PRKCE: variants seen among roughly 807,000 people sequenced by gnomAD.
The protein encoded by PRKCE is protein kinase C epsilon.
Under a neutral mutation model 85.4 loss-of-function variants are expected in PRKCE, and 16 were observed. That is an observed-to-expected ratio of 0.19 (90% confidence interval 0.13 to 0.28). The LOEUF is 0.28. Ranked by LOEUF, PRKCE falls within the 10% of genes least tolerant of loss-of-function variation. The pLI is 1.00. For synonymous variants in PRKCE, 388 were observed against 371.5 expected (o/e 1.04, Z -0.51); for missense variants, 573 against 975.2 (o/e 0.59, Z 5.49).
At chr2:45,738,478 A>G (rs891595980) in intron 1 of PRKCE, among the ~76,000 whole-genome samples, 2 of 152,194 alleles carry the variant, frequency 1.3e-5, no homozygotes, top group Non-Finnish European at 2.9e-5. Context: ...CACTGTTTTC[A>G]GATAACCTGT....
chr2:45,770,789 G>A (rs1412684112), intron 1 of PRKCE: 2 of 152,092 alleles, frequency 1.3e-5, no homozygotes, highest in Non-Finnish European at 2.9e-5. Context: ...AAAAATCCAG[G>A]CTGCTTCTTG....
chr2:46,146,483 G>A (rs1428966498), intron 12 of PRKCE, among the ~76,000 whole-genome samples: 3 of 152,214 alleles, frequency 2.0e-5, no homozygotes, highest in Admixed American at 6.5e-5. Context: ...AGAATAAATA[G>A]GCACATAAAA....
intron 1 of PRKCE, among the ~76,000 whole-genome samples, chr2:45,816,740 A>G (rs1040766359): frequency 1.3e-5 from 2 of 152,004 alleles, no homozygotes; most frequent in African/African-American, 2.4e-5. Flanking sequence ...AGCCCCATGG[A>G]TCAGATGGCC....
intron 10 of PRKCE, among the ~76,000 whole-genome samples, chr2:46,034,644 A>G (rs1249390415): frequency 6.6e-6 from 1 of 152,172 alleles, no homozygotes; most frequent in African/African-American, 2.4e-5. Context: ...GAGCACGCCG[A>G]GGCCATGGGC....
At chr2:45,941,839 G>A (rs1699899457) in intron 2 of PRKCE, among the ~76,000 whole-genome samples, 1 of 152,128 alleles carries the variant, frequency 6.6e-6, no homozygotes, top group Non-Finnish European at 1.5e-5. Flanking sequence ...CTGTCTAGGA[G>A]GTCATAGATT....
At chr2:46,045,734 C>T (rs564180153) in intron 10 of PRKCE, among the ~76,000 whole-genome samples, 2 of 152,180 alleles carry the variant, frequency 1.3e-5, no homozygotes, top group African/African-American at 4.8e-5. Context: ...CAGAAATTAG[C>T]TGGGCATGGT....
rs902042348 is a variant in PRKCE at position 46,155,439 on chromosome 2, TCTGGGTACC to T, written c.1921-4163_1921-4155del. ...TTCCTCAGGCCTGGGCCCCGGGTCC[TCTGGGTACC>T]CTGTGCTCTCCCCTGCACAGCACTC... On this transcript the variant is annotated intron_variant, in intron 13 of 14. Coordinates refer to ENST00000306156, the MANE Select transcript of PRKCE (RefSeq NM_005400.3). This position sits in a 1 kb window ranked among gnomAD's most constrained non-coding sequence, Gnocchi z 4.7. Among the ~76,000 whole-genome samples the T allele has an allele frequency of 3.3e-5, 5 of 152,070 alleles. No homozygotes were observed. The highest frequency in any genetic ancestry group is 1.2e-4 in the African/African-American group (5 of 41,404).
intron 1 of PRKCE, among the ~76,000 whole-genome samples, chr2:45,797,726 T>C (rs1204573370): frequency 6.6e-6 from 1 of 152,224 alleles, no homozygotes; most frequent in Non-Finnish European, 1.5e-5. Flanking sequence ...TGCATTGCAC[T>C]TCATAGTTTT....
At chr2:45,962,181 G>A (rs1449004221) in intron 2 of PRKCE, among the ~76,000 whole-genome samples, 1 of 152,230 alleles carries the variant, frequency 6.6e-6, no homozygotes, top group Non-Finnish European at 1.5e-5. Context: ...GGGCTTTCCT[G>A]AGGTCAGCAA....
chr2:46,102,174 T>C (rs925066651), intron 11 of PRKCE, among the ~76,000 whole-genome samples: 2 of 152,116 alleles, frequency 1.3e-5, no homozygotes, highest in Non-Finnish European at 2.9e-5. Flanking sequence ...TGTAAAGCCA[T>C]TGTTAAGTGC....
At chr2:45,744,056 G>A (rs1682820102) in intron 1 of PRKCE, among the ~76,000 whole-genome samples, 1 of 151,220 alleles carries the variant, frequency 6.6e-6, no homozygotes, top group South Asian at 2.1e-4. Context: ...GAAAGGCAGA[G>A]AGTACTGGGT....
intron 10 of PRKCE, among the ~76,000 whole-genome samples, chr2:46,081,282 A>T (rs1669050895): frequency 6.6e-6 from 1 of 152,206 alleles, no homozygotes; most frequent in Non-Finnish European, 1.5e-5. Context: ...GCCTGCAGAT[A>T]TAAATATTTA....
At chr2:45,794,850 C>A (rs954623680) in intron 1 of PRKCE, among the ~76,000 whole-genome samples, 2 of 151,224 alleles carry the variant, frequency 1.3e-5, no homozygotes, top group African/African-American at 4.9e-5. Flanking sequence ...GCCCTACCCC[C>A]CCCCCCATCC....
chr2:46,126,770 G>A (rs910171195), intron 11 of PRKCE, among the ~76,000 whole-genome samples: 1 of 152,144 alleles, frequency 6.6e-6, no homozygotes, highest in African/African-American at 2.4e-5. Context: ...AGTCCCATGG[G>A]AGGGTGAATG....
intron 14 of PRKCE, among the ~76,000 whole-genome samples, chr2:46,173,396 C>T (rs1679113056): frequency 6.6e-6 from 1 of 152,194 alleles, no homozygotes. Context: ...AACCCTTGCT[C>T]CAGGGGTGGG....
intron 1 of PRKCE, among the ~76,000 whole-genome samples, chr2:45,757,872 C>T (rs1684139037): frequency 6.6e-6 from 1 of 152,074 alleles, no homozygotes; most frequent in East Asian, 1.9e-4. Flanking sequence ...GTACATAAGG[C>T]AGGTCTTGAC....
intron 1 of PRKCE, among the ~76,000 whole-genome samples, chr2:45,832,811 A>C (rs1690546601): frequency 1.3e-5 from 2 of 152,190 alleles, no homozygotes; most frequent in South Asian, 4.1e-4. Flanking sequence ...GGATGCGCGC[A>C]AGTTATTTAA....
At chr2:46,123,740 C>T (rs1673575672) in intron 11 of PRKCE, among the ~76,000 whole-genome samples, 1 of 152,214 alleles carries the variant, frequency 6.6e-6, no homozygotes, top group African/African-American at 2.4e-5. Flanking sequence ...CCTGCCTCAG[C>T]CTCCCAAAGT....
chr2:46,134,866 G>A (rs1335792611), intron 11 of PRKCE, among the ~76,000 whole-genome samples: 1 of 152,188 alleles, frequency 6.6e-6, no homozygotes, highest in Non-Finnish European at 1.5e-5. Context: ...GAAACACAAG[G>A]CAATGCCTGC....
Sources: gnomAD v4.1 joint callset for allele counts (sites outside exome capture counted in the v4.1 genomes callset) on GRCh38, gnomAD v4.1.1 for gene constraint, Gnocchi (gnomAD v3.1) non-coding constraint, MANE v1.5 for transcripts, NCBI Gene and HGNC (gene_info 2026-07-23, HGNC 2026-07-21) for gene names.